ZNF883: variants seen among roughly 807,000 people sequenced by gnomAD.
ZNF883 encodes zinc finger protein 883.
At chr9:113,001,974 AT>A (rs1273728771), upstream of ZNF883, 2 of 152,152 alleles carry the variant, frequency 1.3e-5, no homozygotes, top group Non-Finnish European at 2.9e-5. Context: ...ATATTTTGGC[AT>A]TGGAGAAACT....
At chr9:112,996,790 CAAAAAAAAAAAAAAAAAAAA>C (rs61714600), downstream of ZNF883, among the ~76,000 whole-genome samples, 2 of 52,092 alleles carry the variant, frequency 3.8e-5, no homozygotes, top group South Asian at 1.9e-3. Flanking sequence ...GACTCCGTCT[CAAAAAAAAAAAAAAAAAAAA>C]AAAAAAAAAA....
chr9:113,004,692 G>GTTT (rs1417693515), intron 2 of ZNF883, among the ~76,000 whole-genome samples: 1 of 151,628 alleles, frequency 6.6e-6, no homozygotes, highest in Non-Finnish European at 1.5e-5. Context: ...AATGTTTGTT[G>GTTT]TTTAAGCCAC....
intron 2 of ZNF883, among the ~76,000 whole-genome samples, chr9:113,004,951 TATTTG>T (rs1828460550): frequency 6.6e-6 from 1 of 151,948 alleles, no homozygotes; most frequent in African/African-American, 2.4e-5. Flanking sequence ...CATTTCAAAT[TATTTG>T]AGGAAGGATA....
At chr9:112,995,948 A>G (rs1363175458), downstream of ZNF883, among the ~76,000 whole-genome samples, 1 of 151,924 alleles carries the variant, frequency 6.6e-6, no homozygotes, top group Non-Finnish European at 1.5e-5. Flanking sequence ...TTTTGTAACT[A>G]TTTCATTGAG....
At chr9:112,996,947 A>C (rs1828363968), downstream of ZNF883, among the ~76,000 whole-genome samples, 1 of 152,068 alleles carries the variant, frequency 6.6e-6, no homozygotes, top group African/African-American at 2.4e-5. Flanking sequence ...CTCTTTCAAT[A>C]ACACCTTTTT....
At chr9:112,996,337 ATTT>A (rs1828353779), downstream of ZNF883, among the ~76,000 whole-genome samples, 2 of 152,174 alleles carry the variant, frequency 1.3e-5, no homozygotes, top group Admixed American at 1.3e-4. Flanking sequence ...AGAAAACATT[ATTT>A]GTCTATGGCT....
Position 112,990,754 on chromosome 9 carries a change from T to TTG in ZNF883, n.310-7176_310-7175insCA, listed in dbSNP as rs1828294519. ...AATCCATCTGGTCCTGGGCTTTTTTTTTGTTGTTGTTGGTAGCTTATTATT... is the reference window on the plus strand; with the variant it reads ...AATCCATCTGGTCCTGGGCTTTTTTTTGTTGTTGTTGTTGGTAGCTTATTATT... On this transcript the variant is annotated intron_variant and non_coding_transcript_variant, in intron 1 of 9. Transcript: ENST00000638823. Among the ~76,000 whole-genome samples, 3 of 151,866 alleles carry TTG rather than the reference T, an allele frequency of 2.0e-5. No homozygotes were observed. The South Asian group carries it at 6.2e-4, about 32-fold the overall frequency.
At chr9:113,008,145 G>A (rs967160802) in intron 2 of ZNF883, among the ~76,000 whole-genome samples, 4 of 152,168 alleles carry the variant, frequency 2.6e-5, no homozygotes, top group Non-Finnish European at 5.9e-5. Flanking sequence ...GTAGTTAAGT[G>A]TAAACATTTT....
At chr9:112,990,797 G>T (rs1160896266) in intron 1 of ZNF883, among the ~76,000 whole-genome samples, 2 of 151,970 alleles carry the variant, frequency 1.3e-5, no homozygotes, top group African/African-American at 2.4e-5. Context: ...TTCAGAACTC[G>T]TTATTGGTCT....
upstream of ZNF883, among the ~76,000 whole-genome samples, chr9:113,002,954 C>T (rs1414577596): frequency 6.6e-6 from 1 of 152,194 alleles, no homozygotes; most frequent in Non-Finnish European, 1.5e-5. Flanking sequence ...TGAGCCTTCA[C>T]TAGACAACAA....
At chr9:113,004,699 C>T (rs1196855523) in intron 2 of ZNF883, among the ~76,000 whole-genome samples, 3 of 151,554 alleles carry the variant, frequency 2.0e-5, no homozygotes, top group African/African-American at 7.3e-5. Context: ...GTTGTTTAAG[C>T]CACCCAGTCT....
chr9:112,994,305 C>T (rs1170006628), downstream of ZNF883, among the ~76,000 whole-genome samples: 1 of 151,770 alleles, frequency 6.6e-6, no homozygotes, highest in Non-Finnish European at 1.5e-5. Context: ...TCCTCACTCT[C>T]CGTGCTTTTC....
downstream of ZNF883, among the ~76,000 whole-genome samples, chr9:112,996,663 C>T (rs928162787): frequency 1.2e-4 from 18 of 149,754 alleles, no homozygotes; most frequent in African/African-American, 2.7e-4. Flanking sequence ...TGGTAGCGGG[C>T]GCCTGTAGTC....
chr9:112,995,571 CTCTT>C (rs925872847), downstream of ZNF883, among the ~76,000 whole-genome samples: 6 of 151,596 alleles, frequency 4.0e-5, no homozygotes, highest in South Asian at 4.2e-4. Context: ...TCTTCCTTCT[CTCTT>C]TCTTCTCTCT....
In ZNF883 at chr9:112,998,066, C is replaced by T; in HGVS notation, n.194G>A. On this transcript the variant is annotated non_coding_transcript_exon_variant, in exon 1 of 1. Coordinates refer to ENST00000639662, the Ensembl canonical transcript of ZNF883. ...TTCATTACATTCATAAGGTTTCTCT[C>T]CAGTATGTATTCTTTGATGTTGAAC... 8 of 1,613,950 alleles carry T rather than the reference C, an allele frequency of 5.0e-6. No homozygotes were observed. The South Asian group carries it at 7.7e-5, about 16-fold the overall frequency.
At chr9:112,997,438 G>A (rs1211056208) in exon 1 of ZNF883, 20 of 1,613,758 alleles carry the variant, frequency 1.2e-5, no homozygotes, top group Non-Finnish European at 1.5e-5. Context: ...TACTTCGACT[G>A]AAGGTTTTTC....
Position 112,998,166 on chromosome 9 carries a change from G to C in ZNF883, n.94C>G, listed in dbSNP as rs1828384389. ...GGTTTTTCTCCAATATGTGTTTTCTGATGCTGGGTCAGGGATGCAAGACAA... is the reference window on the plus strand; with the variant it reads ...GGTTTTTCTCCAATATGTGTTTTCTCATGCTGGGTCAGGGATGCAAGACAA... On this transcript the variant is annotated non_coding_transcript_exon_variant, in exon 1 of 1. Coordinates refer to ENST00000639662, the Ensembl canonical transcript of ZNF883. The C allele has an allele frequency of 1.9e-6, 3 of 1,613,896 alleles. No individual in the cohort carries two copies. In the East Asian group the frequency reaches 6.7e-5, roughly 36 times the overall value.
intron 1 of ZNF883, among the ~76,000 whole-genome samples, chr9:113,011,638 G>A (rs12683586): frequency 0.078 from 11,853 of 152,210 alleles, 592 homozygotes; most frequent in Non-Finnish European, 0.11. Context: ...CCAGTAAAAC[G>A]AAACAAGCTA....
In ZNF883 at chr9:112,997,985, G is replaced by T. The variant is rs529094899; in HGVS notation, n.275C>A. ...ATTACACTCATAAGGTTTCTCCCCA[G>T]TATGGACTCTTTGATGCTGAATAAG... On this transcript the variant is annotated non_coding_transcript_exon_variant, in exon 1 of 1. Transcript: ENST00000639662. 439 of 1,613,784 alleles carry T rather than the reference G, an allele frequency of 2.7e-4. 11 individuals carry two copies. The South Asian group carries it at 4.6e-3, about 17-fold the overall frequency.
Sources: allele counts gnomAD v4.1 joint callset (sites outside exome capture counted in the v4.1 genomes callset), GRCh38; gene constraint gnomAD v4.1.1; transcripts MANE v1.5; gene names NCBI Gene and HGNC (gene_info 2026-07-23, HGNC 2026-07-21).